The following CREBBP variants were observed in gnomAD, a reference collection of about 807,000 sequenced individuals.
CREBBP encodes the protein CREB binding lysine acetyltransferase.
Under a neutral mutation model 265.0 loss-of-function variants are expected in CREBBP, and 19 were observed. The observed-to-expected ratio is 0.07, with a 90% confidence interval of 0.05 to 0.11. CREBBP has a LOEUF of 0.11. CREBBP is among the 10% of genes least tolerant of loss of function. CREBBP has a pLI of 1.00. For missense variants in CREBBP, 2,525 were observed against 3,219.0 expected, an observed-to-expected ratio of 0.78 and a Z score of 5.22; for synonymous variants, 1,457 against 1,223.7, an observed-to-expected ratio of 1.19 and a Z score of -3.98.
intron 1 of CREBBP, among the ~76,000 whole-genome samples, chr16:3,858,373 G>A (rs749921088): frequency 6.6e-6 from 1 of 152,090 alleles, no homozygotes; most frequent in Non-Finnish European, 1.5e-5. Context: ...AATTCCACTT[G>A]GAGCCCCAGA....
At chr16:3,849,456 T>TGTGTGTGTG in intron 2 of CREBBP, among the ~76,000 whole-genome samples, 1 of 120,682 alleles carries the variant, frequency 8.3e-6, no homozygotes, top group Admixed American at 8.6e-5. Context: ...TGTGTGTGTG[T>TGTGTGTGTG]GTGTGTGTGT....
rs1168304419 is a variant in CREBBP, at chr16:3,782,909, C to G, written c.1348G>C (p.Ala450Pro). Residue 450 changes from alanine (A) to proline (P), a missense_variant, in exon 6 of 31, where the codon GCT becomes CCT. This residue lies in a region of CREBBP where 48 missense variants were observed against 70.2 expected (regional missense o/e 0.68). Coordinates refer to ENST00000262367, the MANE Select transcript of CREBBP (RefSeq NM_004380.3). ...RNQQTILGSP[A>P]SGIQNTIGSV... is the part of the protein sequence containing the mutation. ...CCAATTGTGTTTTGAATTCCACTAGCTGGAGACCCCAGGATGGCTATAACG... is the reference window on the plus strand; with the variant it reads ...CCAATTGTGTTTTGAATTCCACTAGGTGGAGACCCCAGGATGGCTATAACG... 2 of 1,614,176 alleles carry G rather than the reference C, an allele frequency of 1.2e-6. No individual in the cohort carries two copies. The highest frequency in any genetic ancestry group is 2.2e-5 in the East Asian group (1 of 44,892).
At chr16:3,841,225 C>T (rs2054560936) in intron 2 of CREBBP, among the ~76,000 whole-genome samples, 2 of 151,890 alleles carry the variant, frequency 1.3e-5, no homozygotes, top group Non-Finnish European at 2.9e-5. Flanking sequence ...TATACTTCAG[C>T]TCTACTGCTT....
At chr16:3,877,266 CACCTAACCAAAT>C (rs2055422258) in intron 1 of CREBBP, among the ~76,000 whole-genome samples, 1 of 152,188 alleles carries the variant, frequency 6.6e-6, no homozygotes, top group African/African-American at 2.4e-5. Flanking sequence ...AGGTCTGTCC[CACCTAACCAAAT>C]GCCTTCAGTT....
At chr16:3,793,844 C>T (rs895567647) in intron 3 of CREBBP, among the ~76,000 whole-genome samples, 9 of 152,020 alleles carry the variant, frequency 5.9e-5, no homozygotes, top group African/African-American at 2.2e-4. Context: ...CACTTGTATA[C>T]AATTATCATC....
At position 3,726,033 on chromosome 16, in the gene CREBBP, G is replaced by A; in HGVS notation, c.*1685C>T. The stretch of plus-strand genomic sequence containing the variant: ...TGGACTCCAAGGGAGGCAGGACCAT[G>A]TGGCTAAGTGCAAGTATCCCCCGAA... On this transcript the variant is annotated 3_prime_UTR_variant, in exon 31 of 31. Transcript: ENST00000262367. 4.3e-6 allele frequency: 1 copy of A among 233,270 alleles called. No homozygotes were observed. Among genetic ancestry groups the A allele is most frequent in the East Asian group, 6.0e-5 (1 of 16,588 alleles). 14.5% of individuals were successfully genotyped at this position (233,270 alleles called of 1,614,324 possible). A position where few individuals can be genotyped will look rare whatever the true frequency, so the allele number is the denominator to read the frequency against.
rs2151306171 is a variant in CREBBP at position 3,728,946 on chromosome 16, C to T, written c.6101G>A (p.Gly2034Asp). 6.2e-7 allele frequency: 1 copy of T among 1,600,684 alleles called. No individual in the cohort carries two copies. Among genetic ancestry groups the T allele is most frequent in the Non-Finnish European group, 8.5e-7 (1 of 1,178,016 alleles). ...APLPQQQPMP[G>D]LPRPVISMQA... is the part of the protein sequence containing the mutation. ...CATGGATATCACAGGCCTGGGCAAG[C>T]CTGGCATGGGCTGCTGCTGGGGAAG... Residue 2034 changes from glycine to aspartate, a missense_variant, in exon 31 of 31, where the codon GGC (glycine) becomes GAC (aspartate). Physicochemically the swap from Gly to Asp is moderately conservative, Grantham distance 94 (BLOSUM62 -1). Around this residue, in one of 19 missense-constraint regions of CREBBP, gnomAD observed 275 missense variants for 276.5 expected, o/e 0.99. Transcript: ENST00000262367. This position sits in a 1 kb window ranked among gnomAD's most constrained non-coding sequence, Gnocchi z 8.7.
chr16:3,771,102 C>G, intron 13 of CREBBP, 116 bp from the exon 14 acceptor site: 1 of 1,109,812 alleles, frequency 9.0e-7, no homozygotes, highest in Non-Finnish European at 1.3e-6. Context: ...CAGTTTCACT[C>G]TTGTCGCCCA....
At position 3,879,979 on chromosome 16, in the gene CREBBP, G is replaced by T. The variant is rs780204192; in HGVS notation, c.-63C>A. 5 of 1,512,038 alleles carry T rather than the reference G, an allele frequency of 3.3e-6. No homozygotes were observed. The African/African-American group carries it at 7.0e-5, about 21-fold the overall frequency. 93.7% of individuals were successfully genotyped at this position (1,512,038 alleles called of 1,614,324 possible). On this transcript the variant is annotated 5_prime_UTR_variant, in exon 1 of 31. Transcript: ENST00000262367. ...GCCGGGCCGGCGAGGGCCCGGACGG[G>T]GGTCGGGGGCCCTGCCGGCTGCGAG...
intron 2 of CREBBP, among the ~76,000 whole-genome samples, chr16:3,842,460 A>G (rs8044620): frequency 6.6e-6 from 1 of 152,198 alleles, no homozygotes; most frequent in Non-Finnish European, 1.5e-5. Context: ...AGTAGAAAAC[A>G]AGAACATGCT....
intron 5 of CREBBP, among the ~76,000 whole-genome samples, chr16:3,787,918 C>T (rs1249296921): frequency 2.0e-5 from 3 of 152,156 alleles, no homozygotes; most frequent in Admixed American, 6.5e-5. Flanking sequence ...AGGCAACCCG[C>T]CTGTCTCACT....
In CREBBP at chr16:3,879,234, G is replaced by GCGCACACACACA. The variant is rs1249627930; in HGVS notation, c.85+597_85+598insTGTGTGTGTGCG. On this transcript the variant is annotated intron_variant, in intron 1 of 30. Coordinates refer to ENST00000262367, the MANE Select transcript of CREBBP (RefSeq NM_004380.3). ...TAGTTGACTAAAAACACACACGCGC[G>GCGCACACACACA]CACACACACACACACACACACACAC... Among the ~76,000 whole-genome samples the GCGCACACACACA allele has an allele frequency of 2.0e-5, 3 of 150,720 alleles. 1 individual carries two copies. Among genetic ancestry groups the GCGCACACACACA allele is most frequent in the African/African-American group, 7.3e-5 (3 of 41,010 alleles).
chr16:3,734,858 CAT>C (rs2052010897), intron 28 of CREBBP, among the ~76,000 whole-genome samples: 1 of 152,300 alleles, frequency 6.6e-6, no homozygotes, highest in Non-Finnish European at 1.5e-5. Context: ...GACGTGCTCT[CAT>C]ATGGGACAGG....
In CREBBP at chr16:3,850,421, G is replaced by A. The variant is rs776306844; in HGVS notation, c.674C>T (p.Pro225Leu). 48 of 1,614,110 alleles carry A rather than the reference G, an allele frequency of 3.0e-5. No individual in the cohort carries two copies. Among genetic ancestry groups the A allele is most frequent in the Non-Finnish European group, 3.8e-5 (45 of 1,180,048 alleles). Residue 225 changes from proline to leucine, a missense_variant, in exon 2 of 31, where the codon CCG becomes CTG. By Grantham distance (98) the Pro-to-Leu change is moderately conservative. Around this residue, in one of 19 missense-constraint regions of CREBBP, gnomAD observed 356 missense variants for 340.4 expected, o/e 1.05. Transcript: ENST00000262367. ...AAGRGRGAGM[P>L]YPTPAMQGAS... ...GCCCTGCATGGCTGGAGTAGGGTAC[G>A]GCATTCCAGCTCCCCTTCCTCTGCC...
At chr16:3,872,129 G>C (rs145256357) in intron 1 of CREBBP, among the ~76,000 whole-genome samples, 1 of 152,110 alleles carries the variant, frequency 6.6e-6, no homozygotes, top group Non-Finnish European at 1.5e-5. Context: ...TAGAGACAGA[G>C]CTCAAAAATA....
intron 19 of CREBBP, among the ~76,000 whole-genome samples, chr16:3,753,565 T>TC (rs1243156907): frequency 1.3e-5 from 2 of 152,228 alleles, no homozygotes; most frequent in Non-Finnish European, 2.9e-5. Flanking sequence ...TATTTTTTTT[T>TC]TCCCTGAATG....
At chr16:3,745,011 T>A (rs1045870963) in intron 22 of CREBBP, 50 bp from the exon 23 acceptor site, 2 of 1,350,982 alleles carry the variant, frequency 1.5e-6, no homozygotes, top group South Asian at 2.3e-5. Flanking sequence ...ATGTAAATTG[T>A]CAAACCAACA....
chr16:3,739,472 T>A (rs1313874304), intron 25 of CREBBP, 106 bp downstream of exon 25: 1 of 1,338,436 alleles, frequency 7.5e-7, no homozygotes, highest in Non-Finnish European at 1.1e-6. Flanking sequence ...TCATTTACTT[T>A]AATCCCCTAT....
intron 2 of CREBBP, among the ~76,000 whole-genome samples, chr16:3,824,714 G>A (rs1175615988): frequency 1.3e-5 from 2 of 152,114 alleles, no homozygotes; most frequent in African/African-American, 2.4e-5. Flanking sequence ...AACCATACCC[G>A]GTCAACTTGG....
Sources: gnomAD v4.1 joint callset for allele counts (sites outside exome capture counted in the v4.1 genomes callset) on GRCh38, gnomAD v4.1.1 for gene constraint, gnomAD v4.1.1 regional missense constraint, Gnocchi (gnomAD v3.1) non-coding constraint, MANE v1.5 for transcripts, NCBI Gene and HGNC (gene_info 2026-07-23, HGNC 2026-07-21) for gene names.